DNAH14: variants seen among roughly 807,000 people sequenced by gnomAD.
DNAH14 encodes the protein dynein axonemal heavy chain 14.
A neutral mutation model predicts 520.9 loss-of-function variants in DNAH14; 478 were observed. That is an observed-to-expected ratio of 0.92 (90% confidence interval 0.85 to 0.99). DNAH14 has a LOEUF of 0.99. Among genes scored for constraint, DNAH14 ranks in the 50% least tolerant of loss-of-function variants. DNAH14 has a pLI of 0.00. For missense variants in DNAH14, 4,831 were observed against 5,234.5 expected, an observed-to-expected ratio of 0.92 and a Z score of 2.38; for synonymous variants, 1,581 against 1,757.2, an observed-to-expected ratio of 0.90 and a Z score of 2.51.
chr1:225,174,511 G>A (rs1573727052), intron 36 of DNAH14, among the ~76,000 whole-genome samples: 1 of 152,002 alleles, frequency 6.6e-6, no homozygotes. Flanking sequence ...ACTGATTTTT[G>A]TATGTTTATT....
chr1:225,392,257 C>T, intron 83 of DNAH14, 34 bp from the exon 84 acceptor site: 2 of 1,549,938 alleles, frequency 1.3e-6, no homozygotes, highest in Admixed American at 2.0e-5. Flanking sequence ...CTGAGACTCA[C>T]AAGGAACTTG....
In DNAH14 at chr1:225,003,155, C is replaced by T. The variant is rs113891353; in HGVS notation, c.975+228C>T. Among the ~76,000 whole-genome samples, 414 of 152,020 alleles carry T rather than the reference C, an allele frequency of 2.7e-3. 3 individuals carry two copies. Among genetic ancestry groups the T allele is most frequent in the African/African-American group, 9.4e-3 (388 of 41,496 alleles). On this transcript the variant is annotated intron_variant, in intron 9 of 85. Coordinates refer to ENST00000682510, the MANE Select transcript of DNAH14 (RefSeq NM_001367479.1). ...ATGCCTAACCTAAGTCTATAAGACC[C>T]TTTATTTTCAAATGTATTTCCGAAT...
chr1:224,943,443 C>T (rs577328365), intron 1 of DNAH14, among the ~76,000 whole-genome samples: 2 of 152,146 alleles, frequency 1.3e-5, no homozygotes, highest in South Asian at 4.2e-4. Flanking sequence ...TTCAAAAAAC[C>T]AGCTCCTGGA....
chr1:225,233,558 GTGA>G (rs2091316693), intron 42 of DNAH14, among the ~76,000 whole-genome samples: 1 of 152,178 alleles, frequency 6.6e-6, no homozygotes, highest in African/African-American at 2.4e-5. Context: ...CTAATGATCA[GTGA>G]TGTTGAGCTT....
At chr1:225,034,017 G>T (rs184807078) in intron 11 of DNAH14, among the ~76,000 whole-genome samples, 1 of 152,168 alleles carries the variant, frequency 6.6e-6, no homozygotes, top group Non-Finnish European at 1.5e-5. Flanking sequence ...AACAGAGATA[G>T]TTTGACTTCT....
chr1:225,395,521 G>A (rs546242819), intron 84 of DNAH14, among the ~76,000 whole-genome samples: 8 of 151,502 alleles, frequency 5.3e-5, no homozygotes, highest in Non-Finnish European at 8.8e-5. Flanking sequence ...GAACCCAGGA[G>A]GCGGAGCTTG....
chr1:225,324,767 G>A lies in DNAH14; in HGVS notation c.9658G>A (p.Glu3220Lys), dbSNP rs373139697. 2.6e-6 allele frequency: 4 copies of A among 1,551,356 alleles called. No individual in the cohort carries two copies. In the African/African-American group the frequency reaches 5.5e-5, roughly 21 times the overall value. ...VVGPKQIQVA[E>K]AQNVLKIARQ... is the part of the protein sequence containing the mutation. ...GGGCCCTAAACAAATCCAAGTAGCT[G>A]AAGCTCAAAACGTCCTTAAAATTGC... The change falls in exon 64 of 86, where the codon GAA becomes AAA. Residue 3220 changes from glutamate (E) to lysine (K), a missense_variant. Physicochemically the swap from Glu to Lys is moderately conservative, Grantham distance 56. Coordinates refer to ENST00000682510, the MANE Select transcript of DNAH14 (RefSeq NM_001367479.1).
intron 3 of DNAH14, among the ~76,000 whole-genome samples, chr1:224,958,241 A>G (rs1389547201): frequency 6.6e-6 from 1 of 152,110 alleles, no homozygotes; most frequent in Non-Finnish European, 1.5e-5. Flanking sequence ...AATCTGAAAT[A>G]GTCATTGAAA....
intron 73 of DNAH14, among the ~76,000 whole-genome samples, chr1:225,356,000 T>C (rs1474386100): frequency 6.6e-6 from 1 of 152,180 alleles, no homozygotes; most frequent in Non-Finnish European, 1.5e-5. Context: ...GTTTTCAAAG[T>C]TCATCCATGT....
chr1:225,029,508 T>A (rs1278129455), intron 11 of DNAH14, among the ~76,000 whole-genome samples: 1 of 152,064 alleles, frequency 6.6e-6, no homozygotes, highest in African/African-American at 2.4e-5. Context: ...CTTTGTTAGA[T>A]CCTGGACATA....
chr1:224,967,719 T>A, intron 6 of DNAH14, 136 bp downstream of exon 6: 1 of 1,582,612 alleles, frequency 6.3e-7, no homozygotes, highest in African/African-American at 1.4e-5. Context: ...TATATAAGAA[T>A]CTCCTTGGGA....
chr1:225,236,505 T>C, intron 42 of DNAH14, among the ~76,000 whole-genome samples: 1 of 152,170 alleles, frequency 6.6e-6, no homozygotes, highest in East Asian at 1.9e-4. Flanking sequence ...TGTGTTGTTT[T>C]TGGGTGAAGA....
chr1:225,139,513 G>A (rs2079241527), intron 27 of DNAH14, among the ~76,000 whole-genome samples: 1 of 152,200 alleles, frequency 6.6e-6, no homozygotes, highest in Non-Finnish European at 1.5e-5. Flanking sequence ...ACTAGGAGTT[G>A]TCTCTGAATG....
chr1:224,953,092 A>T, intron 2 of DNAH14: 1 of 190,194 alleles, frequency 5.3e-6, no homozygotes, highest in South Asian at 1.1e-4. Context: ...CATTTGTAAC[A>T]GTATCAAAAA....
chr1:225,069,509 T>C (rs988067317), intron 17 of DNAH14, among the ~76,000 whole-genome samples: 10 of 152,204 alleles, frequency 6.6e-5, no homozygotes, highest in African/African-American at 2.4e-4. Flanking sequence ...GTCACATGTA[T>C]TGATTTGTGT....
chr1:225,232,077 T>C lies in DNAH14; in HGVS notation c.6518+926T>C, dbSNP rs984388250. On this transcript the variant is annotated intron_variant, in intron 42 of 85. Coordinates refer to ENST00000682510, the MANE Select transcript of DNAH14 (RefSeq NM_001367479.1). The surrounding 1 kb of genome is among the most constrained non-coding windows in gnomAD (Gnocchi z 4.2). ...CTACTATTCTGGATTTTGTACTTATTAATATGTTTCAAAATAATATTTTTT... is the reference window on the plus strand; with the variant it reads ...CTACTATTCTGGATTTTGTACTTATCAATATGTTTCAAAATAATATTTTTT... 6.6e-6 allele frequency among the ~76,000 whole-genome samples: 1 copy of C among 152,166 alleles called. No individual in the cohort carries two copies. The highest frequency in any genetic ancestry group is 1.5e-5 in the Non-Finnish European group (1 of 68,010).
rs973381240 is a variant in DNAH14 at position 224,980,907 on chromosome 1, T to G, written c.830+6754T>G. The stretch of plus-strand genomic sequence containing the variant: ...CTCATGTAGATGACAGGTTGATGGG[T>G]GCAGCAAACCACCATGGCACGTGTA... On this transcript the variant is annotated intron_variant, in intron 8 of 85. Coordinates refer to ENST00000682510, the MANE Select transcript of DNAH14 (RefSeq NM_001367479.1). Among the ~76,000 whole-genome samples, 19 of 152,290 alleles carry G rather than the reference T, an allele frequency of 1.2e-4. 1 individual carries two copies. Among genetic ancestry groups the G allele is most frequent in the African/African-American group, 4.6e-4 (19 of 41,574 alleles).
At chr1:225,016,861 A>G (rs2065255799) in intron 10 of DNAH14, among the ~76,000 whole-genome samples, 1 of 151,300 alleles carries the variant, frequency 6.6e-6, no homozygotes, top group Non-Finnish European at 1.5e-5. Context: ...AATTTCCTTC[A>G]TTAAATTTTT....
At chr1:225,030,633 A>ATT (rs2066455641) in intron 11 of DNAH14, among the ~76,000 whole-genome samples, 1 of 151,918 alleles carries the variant, frequency 6.6e-6, no homozygotes, top group Admixed American at 6.6e-5. Flanking sequence ...GAAAAGACTA[A>ATT]TCTTCCTCCA....
Sources: gnomAD v4.1 joint callset for allele counts (sites outside exome capture counted in the v4.1 genomes callset) on GRCh38, gnomAD v4.1.1 for gene constraint, Gnocchi (gnomAD v3.1) non-coding constraint, MANE v1.5 for transcripts, NCBI Gene and HGNC (gene_info 2026-07-23, HGNC 2026-07-21) for gene names.